Variants in KANSL3 observed in about 807,000 individuals in gnomAD.
KANSL3 encodes NSL complex protein NSL3.
Under a neutral mutation model 89.2 loss-of-function variants are expected in KANSL3, and 16 were observed. That is an observed-to-expected ratio of 0.18 (90% CI 0.12 to 0.27). The LOEUF (loss-of-function observed/expected upper bound fraction) is 0.27, where lower values mean the gene tolerates loss of function less well. KANSL3 is among the 10% of genes least tolerant of loss of function. The pLI is 1.00. For missense variants in KANSL3, 879 were observed against 1,110.6 expected (o/e 0.79, Z 2.96); for synonymous variants, 385 against 419.7 (o/e 0.92, Z 1.01).
intron 20 of KANSL3, among the ~76,000 whole-genome samples, chr2:96,598,482 CT>C (rs746140925): frequency 5.9e-5 from 9 of 152,040 alleles, no homozygotes; most frequent in South Asian, 2.1e-4. Flanking sequence ...TCATTTCGTT[CT>C]TTTGATAGGG....
the KANSL3 span, among the ~76,000 whole-genome samples, chr2:96,582,195 G>A: frequency 1.3e-5 from 2 of 152,102 alleles, 1 homozygote; most frequent in African/African-American, 4.8e-5. Context: ...TTTGAGACCA[G>A]CTTGGCCAAA....
chr2:96,618,338 T>A (rs1301935476), intron 5 of KANSL3, among the ~76,000 whole-genome samples: 1 of 152,122 alleles, frequency 6.6e-6, no homozygotes, highest in African/African-American at 2.4e-5. Context: ...TACAGACGTG[T>A]GCCACCATGC....
chr2:96,610,440 C>T (rs990127109), intron 11 of KANSL3: 7 of 231,346 alleles, frequency 3.0e-5, no homozygotes, highest in East Asian at 2.8e-4. Flanking sequence ...CTCAGCCTCC[C>T]GAGTAGCTGG....
intron 5 of KANSL3, among the ~76,000 whole-genome samples, chr2:96,616,662 C>T (rs953424153): frequency 1.3e-5 from 2 of 152,126 alleles, no homozygotes; most frequent in Non-Finnish European, 2.9e-5. Flanking sequence ...AATAAGAGTC[C>T]GATGGCAGAG....
At chr2:96,628,884 C>T (rs1391039280) in intron 3 of KANSL3, among the ~76,000 whole-genome samples, 1 of 152,136 alleles carries the variant, frequency 6.6e-6, no homozygotes, top group Non-Finnish European at 1.5e-5. Flanking sequence ...CTTGTTCAGC[C>T]ACCACTAACT....
rs200504997 is a variant in KANSL3, at chr2:96,602,286, G to A, written c.2312C>T (p.Thr771Met). The A allele has an allele frequency of 1.6e-5, 26 of 1,612,418 alleles. No homozygotes were observed. The highest frequency in any genetic ancestry group is 2.2e-5 in the East Asian group (1 of 44,816). Residue 771 changes from threonine (T) to methionine (M), a missense_variant, in exon 19 of 21, where the codon ACG becomes ATG. This residue lies in a region of KANSL3 where 89 missense variants were observed against 139.7 expected (regional missense o/e 0.64). Transcript: ENST00000431828. ...TPMQSLGAIT[T>M]GTSTIVRTIP... is the part of the protein sequence containing the mutation. ...GGTACGGACAATGGTGCTGGTGCCCGTGGTGATGGCACCCAGGCTCTGCAT... is the reference window on the plus strand; with the variant it reads ...GGTACGGACAATGGTGCTGGTGCCCATGGTGATGGCACCCAGGCTCTGCAT...
At chr2:96,592,109 C>A (rs778341663), downstream of KANSL3, among the ~76,000 whole-genome samples, 9 of 152,086 alleles carry the variant, frequency 5.9e-5, no homozygotes, top group African/African-American at 1.9e-4. Flanking sequence ...CTCGCTTGAC[C>A]TGACTGCTCA....
At chr2:96,593,133 T>C (rs186686473), downstream of KANSL3, 313 of 414,468 alleles carry the variant, frequency 7.6e-4, no homozygotes, top group African/African-American at 5.7e-3. Context: ...AGAATACATA[T>C]GAGAAGTCAA....
At chr2:96,624,680 C>A (rs888742300) in intron 3 of KANSL3, among the ~76,000 whole-genome samples, 1 of 152,004 alleles carries the variant, frequency 6.6e-6, no homozygotes, top group Non-Finnish European at 1.5e-5. Context: ...CGCCACCACG[C>A]CCAGCTAATT....
At chr2:96,622,125 A>G (rs2071407950) in intron 3 of KANSL3, among the ~76,000 whole-genome samples, 1 of 141,094 alleles carries the variant, frequency 7.1e-6, no homozygotes, top group Non-Finnish European at 1.6e-5. Context: ...AAAAAAAAAA[A>G]AAAATTAAAC....
chr2:96,601,996 G>A, intron 19 of KANSL3, 120 bp downstream of exon 19: 1 of 1,182,330 alleles, frequency 8.5e-7, no homozygotes, highest in Non-Finnish European at 1.2e-6. Context: ...GAATCCAAAG[G>A]TCAATGCCAG....
chr2:96,620,246 C>T (rs2071000693), intron 3 of KANSL3, among the ~76,000 whole-genome samples: 1 of 152,098 alleles, frequency 6.6e-6, no homozygotes, highest in African/African-American at 2.4e-5. Flanking sequence ...GGCTTAAGAA[C>T]AAAAATATAG....
At chr2:96,606,543 A>G in intron 14 of KANSL3, 1 of 163,608 alleles carries the variant, frequency 6.1e-6, no homozygotes, top group Non-Finnish European at 1.3e-5. Context: ...CACTGGCTAA[A>G]ATCAGAGTAG....
At chr2:96,620,065 C>G (rs979481339) in intron 3 of KANSL3, among the ~76,000 whole-genome samples, 4 of 152,184 alleles carry the variant, frequency 2.6e-5, no homozygotes, top group Non-Finnish European at 4.4e-5. Flanking sequence ...AAGCTAATTA[C>G]TTACTTAGTA....
At chr2:96,609,757 A>G (rs1429840483) in intron 11 of KANSL3, among the ~76,000 whole-genome samples, 195 bp from the exon 12 acceptor site, 1 of 151,938 alleles carries the variant, frequency 6.6e-6, no homozygotes, top group East Asian at 1.9e-4. Context: ...CATCCCATTC[A>G]TGGAGTTGTG....
chr2:96,610,779 C>A lies in KANSL3; in HGVS notation c.1266G>T (p.Lys422Asn). The change falls in exon 11 of 21, where the codon AAG becomes AAT. Residue 422 changes from lysine to asparagine, a missense_variant. Lys to Asn is a moderately conservative substitution (Grantham distance 94). Coordinates refer to ENST00000431828, the MANE Select transcript of KANSL3 (RefSeq NM_001115016.3). ...CCACCAAGCTGTTCTCAGCTCGAAT[C>A]TTCTCCCGGAAGTCCTCCATGGCTT... ...HPEAMEDFRE[K>N]IRAENSLVVV... 2 of 1,614,042 alleles carry A rather than the reference C, an allele frequency of 1.2e-6. No individual in the cohort carries two copies. The highest frequency in any genetic ancestry group is 8.5e-7 in the Non-Finnish European group (1 of 1,179,886).
At chr2:96,581,967 G>A in the KANSL3 span, among the ~76,000 whole-genome samples, 3 of 152,102 alleles carry the variant, frequency 2.0e-5, no homozygotes, top group Admixed American at 6.5e-5. Context: ...TCCTTGGGGG[G>A]CCTCTTTCCT....
intron 3 of KANSL3, chr2:96,628,205 C>G: frequency 7.9e-7 from 1 of 1,260,924 alleles, no homozygotes; most frequent in Non-Finnish European, 1.0e-6. Flanking sequence ...TGTGTACATC[C>G]AGCTATTCTG....
chr2:96,609,993 GAA>G (rs1277604514), intron 11 of KANSL3, among the ~76,000 whole-genome samples: 1 of 127,770 alleles, frequency 7.8e-6, no homozygotes, highest in Admixed American at 7.9e-5. Flanking sequence ...TCAAGGTCGT[GAA>G]AGACAAAGAT....
Sources: gnomAD v4.1 joint callset for allele counts (sites outside exome capture counted in the v4.1 genomes callset) on GRCh38, gnomAD v4.1.1 for gene constraint, gnomAD v4.1.1 regional missense constraint, MANE v1.5 for transcripts, NCBI Gene and HGNC (gene_info 2026-07-23, HGNC 2026-07-21) for gene names.